Variants in BCLAF3 observed in about 807,000 individuals in gnomAD.
The protein encoded by BCLAF3 is transient octamer binding factor 1.
A neutral mutation model predicts 51.2 loss-of-function variants in BCLAF3; 24 were observed. The observed-to-expected ratio is 0.47, with a 90% CI of 0.34 to 0.66. The LOEUF (loss-of-function observed/expected upper bound fraction) is 0.66, where lower values mean the gene tolerates loss of function less well. Among genes scored for constraint, BCLAF3 ranks in the 30% least tolerant of loss-of-function variants. BCLAF3 has a pLI of 0.01. For synonymous variants in BCLAF3, 152 were observed against 176.6 expected, an observed-to-expected ratio of 0.86 and a Z score of 1.10; for missense variants, 465 against 525.1, an observed-to-expected ratio of 0.89 and a Z score of 1.12.
intron 1 of BCLAF3, among the ~76,000 whole-genome samples, chrX:19,978,759 A>AT (rs57157445): frequency 0.26 from 27,629 of 104,652 alleles, 4,050 homozygotes; most frequent in African/African-American, 0.54. Flanking sequence ...TCTCTTATTT[A>AT]TTTTTTTTTT....
chrX:19,975,344 C>CT (rs996077026), intron 1 of BCLAF3, among the ~76,000 whole-genome samples: 6 of 105,167 alleles, frequency 5.7e-5, no homozygotes, highest in Non-Finnish European at 9.8e-5. Flanking sequence ...TTTTCCCTTC[C>CT]TTTTTTTTTC....
chrX:19,946,915 CAT>C (rs770367026), intron 8 of BCLAF3, among the ~76,000 whole-genome samples: 9 of 112,383 alleles, frequency 8.0e-5, no homozygotes, highest in East Asian at 2.8e-4. Context: ...CCATATCACA[CAT>C]GTCACTCTTT....
intron 8 of BCLAF3, among the ~76,000 whole-genome samples, chrX:19,950,085 G>A (rs902412111): frequency 2.7e-5 from 3 of 111,607 alleles, no homozygotes; most frequent in Non-Finnish European, 5.6e-5. Flanking sequence ...GTGCCAACTC[G>A]TTTAATACTC....
intron 1 of BCLAF3, among the ~76,000 whole-genome samples, chrX:19,974,865 G>A (rs1053344848): frequency 2.7e-5 from 3 of 111,469 alleles, no homozygotes; most frequent in African/African-American, 9.8e-5. Context: ...CTAGGTGACA[G>A]AGTGAGACTG....
chrX:19,941,270 G>C (rs2071031998), intron 8 of BCLAF3, among the ~76,000 whole-genome samples: 1 of 106,879 alleles, frequency 9.4e-6, no homozygotes, highest in South Asian at 3.8e-4. Flanking sequence ...AAGCTCTTTA[G>C]TTTAATTAGA....
At chrX:19,928,082 T>C (rs1161793376) in intron 11 of BCLAF3, among the ~76,000 whole-genome samples, 1 of 104,703 alleles carries the variant, frequency 9.6e-6, no homozygotes, top group Non-Finnish European at 2.0e-5. Flanking sequence ...GGGGTCTTGC[T>C]ATGTTGCCCA....
At chrX:19,968,539 A>T (rs1227539427) in intron 2 of BCLAF3, among the ~76,000 whole-genome samples, 1 of 113,007 alleles carries the variant, frequency 8.8e-6, no homozygotes, top group Non-Finnish European at 1.9e-5. Context: ...CCATCCAGTC[A>T]GTGGCTCTGC....
At chrX:19,928,308 C>T (rs867150393) in intron 11 of BCLAF3, among the ~76,000 whole-genome samples, 24 of 110,368 alleles carry the variant, frequency 2.2e-4, no homozygotes, top group African/African-American at 2.3e-4. Flanking sequence ...ATCGGCCAGG[C>T]GTGGTAGCTC....
intron 1 of BCLAF3, among the ~76,000 whole-genome samples, chrX:19,979,795 G>A (rs1171809497): frequency 9.0e-6 from 1 of 110,726 alleles, no homozygotes; most frequent in Admixed American, 9.7e-5. Context: ...TATCTCAAAA[G>A]TGAGGAATAA....
intron 8 of BCLAF3, among the ~76,000 whole-genome samples, chrX:19,939,013 G>A (rs1276345865): frequency 2.7e-5 from 3 of 111,828 alleles, no homozygotes; most frequent in Admixed American, 9.6e-5. Context: ...TCGTTTTGTG[G>A]CCCCAGCTCT....
intron 8 of BCLAF3, among the ~76,000 whole-genome samples, chrX:19,941,633 C>G (rs1283490016): frequency 1.8e-5 from 2 of 109,529 alleles, no homozygotes; most frequent in Non-Finnish European, 3.8e-5. Context: ...TGATCTGTAT[C>G]TCTGTTTTGG....
At chrX:19,981,371 C>G (rs187519455) in intron 1 of BCLAF3, among the ~76,000 whole-genome samples, 151 of 111,216 alleles carry the variant, frequency 1.4e-3, no homozygotes, top group Admixed American at 2.5e-3. Context: ...CAAAAAAAAT[C>G]AAAACAAAAC....
chrX:19,925,403 A>G (rs2070324525), intron 11 of BCLAF3, among the ~76,000 whole-genome samples: 1 of 111,182 alleles, frequency 9.0e-6, no homozygotes, highest in South Asian at 3.8e-4. Flanking sequence ...TTCTTGGTGG[A>G]CTTTAAGGCA....
intron 11 of BCLAF3, among the ~76,000 whole-genome samples, chrX:19,928,545 T>C (rs1379267235): frequency 1.2e-4 from 13 of 111,038 alleles, no homozygotes; most frequent in African/African-American, 4.3e-4. Flanking sequence ...ATCGTGCCAT[T>C]GTACTCCAGC....
chrX:19,931,985 A>G (rs993010481), intron 10 of BCLAF3, among the ~76,000 whole-genome samples: 2 of 112,469 alleles, frequency 1.8e-5, no homozygotes, highest in African/African-American at 6.5e-5. Flanking sequence ...CTCAAGAGCT[A>G]AGAACTCAAC....
rs778869540 is a variant in BCLAF3 at position 19,935,958 on chromosome X, G to C, written c.1861-60C>G. On this transcript the variant is annotated intron_variant, in intron 9 of 11. Coordinates refer to ENST00000379682, the MANE Select transcript of BCLAF3 (RefSeq NM_001367774.2). ...ACTTTAAAGTTTACTTTAAAAGCTT[G>C]TTTTACCATTAGAAAACACATTTTA... 8.8e-4 allele frequency: 814 copies of C among 924,275 alleles called. 4 individuals carry two copies. The African/African-American group carries it at 0.014, about 16-fold the overall frequency. 76.2% of individuals were successfully genotyped at this position (924,275 alleles called of 1,213,427 possible). A position where few individuals can be genotyped will look rare whatever the true frequency, so the allele number is the denominator to read the frequency against.
At chrX:19,990,080 G>T (rs1359764210) in intron 1 of BCLAF3, among the ~76,000 whole-genome samples, 1 of 106,806 alleles carries the variant, frequency 9.4e-6, no homozygotes, top group African/African-American at 3.5e-5. Flanking sequence ...TAAAAAGGCT[G>T]CCTGGCGAGG....
chrX:19,934,613 C>T (rs1389301110), intron 10 of BCLAF3, among the ~76,000 whole-genome samples: 2 of 112,101 alleles, frequency 1.8e-5, no homozygotes, highest in Non-Finnish European at 3.8e-5. Flanking sequence ...AATTCTGACT[C>T]TCAAGAAGCC....
chrX:19,982,585 GCA>G (rs1229698876), intron 1 of BCLAF3, among the ~76,000 whole-genome samples: 50 of 79,309 alleles, frequency 6.3e-4, no homozygotes, highest in African/African-American at 1.2e-3. Flanking sequence ...ACACACACAC[GCA>G]CACACACACA....
Sources: gnomAD v4.1 joint callset for allele counts (sites outside exome capture counted in the v4.1 genomes callset) on GRCh38, gnomAD v4.1.1 for gene constraint, MANE v1.5 for transcripts, NCBI Gene and HGNC (gene_info 2026-07-23, HGNC 2026-07-21) for gene names.